The following PTPN21 variants were observed in gnomAD, a reference collection of about 807,000 sequenced individuals.
PTPN21 encodes the protein tyrosine-protein phosphatase non-receptor type 21.
PTPN21 carries 77 observed loss-of-function variants against 131.8 expected under a neutral mutation model. That is an observed-to-expected ratio of 0.58 (90% CI 0.49 to 0.71). The LOEUF is 0.71. Ranked by LOEUF, PTPN21 falls within the 30% of genes least tolerant of loss-of-function variation. PTPN21 has a pLI of 0.00. For synonymous variants in PTPN21, 715 were observed against 621.3 expected (o/e 1.15, Z -2.24); for missense variants, 1,552 against 1,527.1 (o/e 1.02, Z -0.27).
In PTPN21 at chr14:88,478,322, ATCTT is replaced by A. The variant is rs375917364; in HGVS notation, c.2511+594_2511+597del. Among the ~76,000 whole-genome samples the A allele has an allele frequency of 2.6e-5, 4 of 152,356 alleles. 1 individual carries two copies. Among genetic ancestry groups the A allele is most frequent in the African/African-American group, 9.6e-5 (4 of 41,592 alleles). ...TTTCCTTAGATTCTCAGCTGAATTC[ATCTT>A]TCTTTTAAATTTAAGAAACCTGGAC... On this transcript the variant is annotated intron_variant, in intron 13 of 18. Coordinates refer to ENST00000556564, the MANE Select transcript of PTPN21 (RefSeq NM_007039.4).
At chr14:88,468,893 C>T (rs767917978) in intron 18 of PTPN21, 23 bp downstream of exon 18, 2 of 1,613,712 alleles carry the variant, frequency 1.2e-6, no homozygotes, top group South Asian at 2.2e-5. Context: ...CCAAAAAGGC[C>T]AGGTGATCAT....
At chr14:88,551,803 A>C (rs1417596825) in intron 1 of PTPN21, 1 of 152,390 alleles carries the variant, frequency 6.6e-6, no homozygotes, top group Non-Finnish European at 1.5e-5. Flanking sequence ...CAACCTCCCG[A>C]GTAGCTGGGA....
At chr14:88,521,005 G>A (rs2078381210) in intron 2 of PTPN21, among the ~76,000 whole-genome samples, 1 of 151,678 alleles carries the variant, frequency 6.6e-6, no homozygotes, top group Non-Finnish European at 1.5e-5. Context: ...ACCACACCAG[G>A]CTATATATAT....
At chr14:88,531,728 C>G (rs909050554) in intron 2 of PTPN21, among the ~76,000 whole-genome samples, 1 of 151,878 alleles carries the variant, frequency 6.6e-6, no homozygotes, top group South Asian at 2.1e-4. Context: ...AAACAAGAAC[C>G]AACCAAACCC....
intron 12 of PTPN21, among the ~76,000 whole-genome samples, chr14:88,484,747 A>G (rs2077707565): frequency 6.6e-6 from 1 of 152,108 alleles, no homozygotes; most frequent in Non-Finnish European, 1.5e-5. Context: ...AAAATTAGCC[A>G]GGCGTGGTGG....
At chr14:88,472,050 C>T (rs984205517) in intron 15 of PTPN21, among the ~76,000 whole-genome samples, 194 bp downstream of exon 15, 1 of 152,148 alleles carries the variant, frequency 6.6e-6, no homozygotes, top group Non-Finnish European at 1.5e-5. Flanking sequence ...TTATCTAGCA[C>T]TGGTATGTGG....
intron 2 of PTPN21, among the ~76,000 whole-genome samples, chr14:88,521,647 A>G (rs1415294571): frequency 6.8e-6 from 1 of 147,446 alleles, no homozygotes; most frequent in Admixed American, 6.9e-5. Context: ...TCCTGACTTC[A>G]TGATCTGCCC....
chr14:88,518,412 A>G (rs868674519), intron 2 of PTPN21, among the ~76,000 whole-genome samples: 1 of 15,902 alleles, frequency 6.3e-5, no homozygotes, highest in Non-Finnish European at 1.3e-4. Context: ...ATATATATAT[A>G]TATTTTTTTT....
chr14:88,540,269 T>C (rs959303795), intron 2 of PTPN21, among the ~76,000 whole-genome samples: 1 of 152,196 alleles, frequency 6.6e-6, no homozygotes, highest in African/African-American at 2.4e-5. Context: ...TGGTCTTTGG[T>C]CCACTCCATC....
At chr14:88,550,726 C>A (rs2078853407) in intron 1 of PTPN21, 107 bp from the exon 2 acceptor site, 2 of 256,506 alleles carry the variant, frequency 7.8e-6, no homozygotes, top group East Asian at 1.7e-4. Context: ...TCCCTCTCCA[C>A]TGGAAAAAAG....
At chr14:88,496,185 T>C (rs1474916018) in intron 10 of PTPN21, among the ~76,000 whole-genome samples, 3 of 152,192 alleles carry the variant, frequency 2.0e-5, no homozygotes, top group African/African-American at 4.8e-5. Context: ...TATTATTCCC[T>C]TTTTACCTTT....
At chr14:88,491,509 GACA>G (rs1162699662) in intron 10 of PTPN21, among the ~76,000 whole-genome samples, 7 of 152,168 alleles carry the variant, frequency 4.6e-5, no homozygotes, top group African/African-American at 1.4e-4. Flanking sequence ...TCTGGCCCAT[GACA>G]ACAAGTCTAC....
intron 10 of PTPN21, among the ~76,000 whole-genome samples, chr14:88,493,684 G>C (rs1044428768): frequency 6.6e-6 from 1 of 152,222 alleles, no homozygotes; most frequent in Non-Finnish European, 1.5e-5. Context: ...AGCTCCAGGA[G>C]GTGCCTCCAG....
chr14:88,507,931 G>T lies in PTPN21; in HGVS notation c.440C>A (p.Ala147Asp), dbSNP rs144620425. ...GAATTGATCTTATTTACCTTGAACA[G>T]CTAAGCCTGCTAGCTGAATTGCTTG... The part of the protein sequence containing the change: ...LEQAIQLAGL[A>D]VQADFGDFDQ... Residue 147 changes from alanine (A) to aspartate (D), a missense_variant, in exon 4 of 19, where the codon GCT (alanine) becomes GAT (aspartate). Physicochemically the swap from Ala to Asp is moderately radical, Grantham distance 126 (BLOSUM62 -2). This residue lies in a region of PTPN21 where 206 missense variants were observed against 221.6 expected (regional missense o/e 0.93). Transcript: ENST00000556564. 5 of 1,591,726 alleles carry T rather than the reference G, an allele frequency of 3.1e-6. No homozygotes were observed. The highest frequency in any genetic ancestry group is 4.3e-6 in the Non-Finnish European group (5 of 1,164,794).
intron 8 of PTPN21, among the ~76,000 whole-genome samples, 199 bp from the exon 9 acceptor site, chr14:88,497,489 C>G (rs780292626): frequency 6.6e-6 from 1 of 151,858 alleles, no homozygotes; most frequent in Non-Finnish European, 1.5e-5. Flanking sequence ...CAAAAACTAG[C>G]CCAGGCGCAG....
chr14:88,502,735 T>C (rs1390403206), intron 6 of PTPN21, among the ~76,000 whole-genome samples: 2 of 152,180 alleles, frequency 1.3e-5, no homozygotes, highest in Non-Finnish European at 2.9e-5. Context: ...CATGTGGTTC[T>C]GCTGTCCAGC....
chr14:88,479,382 C>T lies in PTPN21; in HGVS notation c.2049G>A (p.Gln683=), dbSNP rs535049273. 1.6e-5 allele frequency: 26 copies of T among 1,608,456 alleles called. No individual in the cohort carries two copies. The South Asian group carries it at 2.6e-4, about 16-fold the overall frequency. ...CCTCCGCCTCCTCCGGCCCTTCTCG[C>T]TGTGTCCTCTCGGTGAAAACGCTGG... The part of the protein sequence containing the change: ...SQPSVFTERT[Q]REGPEEAEGL... The change falls in exon 13 of 19, where the codon CAG becomes CAA. Residue 683 remains glutamine (Q), a synonymous_variant. Transcript: ENST00000556564.
At chr14:88,545,995 T>TAAAA (rs991650692) in intron 2 of PTPN21, among the ~76,000 whole-genome samples, 47 of 77,516 alleles carry the variant, frequency 6.1e-4, no homozygotes, top group Admixed American at 8.0e-4. Flanking sequence ...CTGTCTCAAA[T>TAAAA]AAAAAAAAAA....
chr14:88,505,670 T>C (rs2078077048), intron 4 of PTPN21, among the ~76,000 whole-genome samples: 1 of 152,194 alleles, frequency 6.6e-6, no homozygotes, highest in African/African-American at 2.4e-5. Flanking sequence ...TAATCATATA[T>C]GCTTGCTTAT....
Sources: allele counts gnomAD v4.1 joint callset (sites outside exome capture counted in the v4.1 genomes callset), GRCh38; gene constraint gnomAD v4.1.1; regional missense constraint gnomAD v4.1.1; transcripts MANE v1.5; gene names NCBI Gene and HGNC (gene_info 2026-07-23, HGNC 2026-07-21).